PCDH15: variants seen among roughly 807,000 people sequenced by gnomAD.
PCDH15 encodes the protein protocadherin-15.
In PCDH15, 129 loss-of-function variants were observed where a neutral mutation model predicts 178.5. The ratio of observed to expected loss-of-function variants is 0.72; its 90% CI spans 0.63 to 0.84. The LOEUF is 0.84. Among genes scored for constraint, PCDH15 ranks in the 40% least tolerant of loss-of-function variants. PCDH15 has a pLI of 0.00. For missense variants in PCDH15, 2,230 were observed against 2,099.9 expected (o/e 1.06, Z -1.21); for synonymous variants, 800 against 732.0 (o/e 1.09, Z -1.50).
chr10:54,551,761 A>T (rs1180447098), intron 2 of PCDH15, among the ~76,000 whole-genome samples: 1 of 152,032 alleles, frequency 6.6e-6, no homozygotes, highest in South Asian at 2.1e-4. Context: ...TCTTTTTACA[A>T]TTTTTTCATT....
At chr10:54,177,005 G>T (rs574456956) in intron 13 of PCDH15, among the ~76,000 whole-genome samples, 3 of 151,684 alleles carry the variant, frequency 2.0e-5, no homozygotes, top group African/African-American at 4.8e-5. Context: ...ATTAATAATG[G>T]CCAAAACTTG....
At chr10:55,256,068 T>C (rs1028270750) in intron 1 of PCDH15, among the ~76,000 whole-genome samples, 9 of 152,024 alleles carry the variant, frequency 5.9e-5, no homozygotes, top group African/African-American at 1.9e-4. Flanking sequence ...TCTTCTAGGG[T>C]TTTTATGGTT....
chr10:54,116,193 T>C (rs1035745788), intron 15 of PCDH15, among the ~76,000 whole-genome samples: 1 of 137,930 alleles, frequency 7.3e-6, no homozygotes, highest in East Asian at 2.0e-4. Flanking sequence ...ATGGGTTGAG[T>C]AAGATGAGAA....
At chr10:54,946,141 T>G (rs1382794547) in intron 2 of PCDH15, among the ~76,000 whole-genome samples, 1 of 151,806 alleles carries the variant, frequency 6.6e-6, no homozygotes, top group Non-Finnish European at 1.5e-5. Context: ...TTGTATAATT[T>G]TAATGACCAA....
chr10:53,849,850 G>A (rs61644677), intron 28 of PCDH15, among the ~76,000 whole-genome samples: 1,765 of 114,084 alleles, frequency 0.015, 47 homozygotes, highest in African/African-American at 0.063. Flanking sequence ...GACAGAGGAA[G>A]GCTCCGTCTC....
intron 2 of PCDH15, among the ~76,000 whole-genome samples, chr10:55,496,541 C>G (rs185662542): frequency 6.6e-6 from 1 of 151,854 alleles, no homozygotes; most frequent in Non-Finnish European, 1.5e-5. Context: ...AAAATAGGAA[C>G]CACGTTTTTA....
intron 1 of PCDH15, among the ~76,000 whole-genome samples, chr10:55,265,947 C>T (rs1842280662): frequency 6.6e-6 from 1 of 152,032 alleles, no homozygotes; most frequent in South Asian, 2.1e-4. Context: ...GAGGCAGAAG[C>T]TTTAACGACC....
chr10:53,995,632 C>T lies in PCDH15; in HGVS notation c.2868+17G>A, dbSNP rs1299190697. On this transcript the variant is annotated intron_variant, in intron 21 of 37. Transcript: ENST00000644397. ...TCTCAGTACAGTTCAGAATATTAAT[C>T]AATGCCTTCTACTTACAGGAGGGTC... 1 of 1,613,630 alleles carries T rather than the reference C, an allele frequency of 6.2e-7. No individual in the cohort carries two copies. Among genetic ancestry groups the T allele is most frequent in the African/African-American group, 1.3e-5 (1 of 74,888 alleles).
At chr10:54,846,338 G>C (rs943113667) in intron 3 of PCDH15, among the ~76,000 whole-genome samples, 3 of 152,148 alleles carry the variant, frequency 2.0e-5, no homozygotes, top group Non-Finnish European at 4.4e-5. Context: ...ACCCATGTGT[G>C]TGGCCACTTC....
chr10:54,736,672 C>T (rs536584203), intron 1 of PCDH15, among the ~76,000 whole-genome samples: 43 of 151,996 alleles, frequency 2.8e-4, no homozygotes, highest in Non-Finnish European at 4.4e-4. Context: ...ATAGTAGTTA[C>T]GTAGGTCTGA....
rs569669078 is a variant in PCDH15 at position 54,792,633 on chromosome 10, T to A, written c.-29+8292A>T. Among the ~76,000 whole-genome samples the A allele has an allele frequency of 3.9e-5, 6 of 151,970 alleles. No homozygotes were observed. In the South Asian group the frequency reaches 1.2e-3, roughly 32 times the overall value. ...AAGCTGGGACGTGAGTCCTTTACCA[T>A]CAGACTTGAACTCAGACTGGATCAA... is the stretch of plus-strand genomic sequence containing the variant. On this transcript the variant is annotated intron_variant, in intron 1 of 37. Coordinates refer to ENST00000644397, the MANE Select transcript of PCDH15 (RefSeq NM_001384140.1).
intron 3 of PCDH15, among the ~76,000 whole-genome samples, chr10:54,380,240 C>T (rs747141751): frequency 6.6e-6 from 1 of 151,858 alleles, no homozygotes; most frequent in Non-Finnish European, 1.5e-5. Context: ...TTGTAAATGG[C>T]ACATTTTTTG....
chr10:55,111,978 T>C (rs1482285863), intron 2 of PCDH15, among the ~76,000 whole-genome samples: 1 of 152,220 alleles, frequency 6.6e-6, no homozygotes, highest in Non-Finnish European at 1.5e-5. Context: ...TAATAGTATA[T>C]TGATAATGAT....
At chr10:54,902,069 T>C (rs1339009098) in intron 2 of PCDH15, among the ~76,000 whole-genome samples, 1 of 152,130 alleles carries the variant, frequency 6.6e-6, no homozygotes, top group Non-Finnish European at 1.5e-5. Context: ...AGCTTCAAAT[T>C]CACCAGTAGT....
intron 2 of PCDH15, among the ~76,000 whole-genome samples, chr10:54,912,758 C>A (rs535062912): frequency 2.2e-4 from 33 of 152,158 alleles, no homozygotes; most frequent in Admixed American, 3.9e-4. Flanking sequence ...CAGAAAAAGA[C>A]AGAAAGATGA....
chr10:54,436,360 C>T (rs2075417817), intron 3 of PCDH15, among the ~76,000 whole-genome samples: 1 of 151,098 alleles, frequency 6.6e-6, no homozygotes, highest in Non-Finnish European at 1.5e-5. Context: ...AAGTCAGTGA[C>T]CTTAATATGC....
chr10:54,624,608 G>C (rs1350220959), intron 2 of PCDH15, among the ~76,000 whole-genome samples: 1 of 152,202 alleles, frequency 6.6e-6, no homozygotes, highest in African/African-American at 2.4e-5. Flanking sequence ...ACCAGTATGG[G>C]TCTGTGGCCC....
At chr10:54,008,229 A>C (rs564256474) in intron 20 of PCDH15, among the ~76,000 whole-genome samples, 1 of 152,226 alleles carries the variant, frequency 6.6e-6, no homozygotes, top group Non-Finnish European at 1.5e-5. Flanking sequence ...TATAATAAAT[A>C]GGCAATGACT....
At chr10:53,879,670 G>C (rs544707801) in intron 26 of PCDH15, among the ~76,000 whole-genome samples, 4 of 152,236 alleles carry the variant, frequency 2.6e-5, no homozygotes, top group African/African-American at 9.6e-5. Flanking sequence ...CTCTCAAATA[G>C]AAAGATCAAA....
Sources: allele counts gnomAD v4.1 joint callset (sites outside exome capture counted in the v4.1 genomes callset), GRCh38; gene constraint gnomAD v4.1.1; transcripts MANE v1.5; gene names NCBI Gene and HGNC (gene_info 2026-07-23, HGNC 2026-07-21).